TCHP: variants seen among roughly 807,000 people sequenced by gnomAD.
TCHP encodes trichoplein keratin filament binding, also known as trichoplein keratin filament-binding protein.
Under a neutral mutation model 88.7 loss-of-function variants are expected in TCHP, and 81 were observed. That is an observed-to-expected ratio of 0.91 (90% confidence interval 0.76 to 1.10). TCHP has a LOEUF of 1.10. Among genes scored for constraint, TCHP ranks in the 50% least tolerant of loss-of-function variants. The pLI, the probability that TCHP is intolerant of heterozygous loss-of-function variation, is 0.00. For synonymous variants in TCHP, 232 were observed against 232.5 expected, an observed-to-expected ratio of 1.00 and a Z score of 0.02; for missense variants, 641 against 632.1, an observed-to-expected ratio of 1.01 and a Z score of -0.15.
Position 109,907,534 on chromosome 12 carries a change from C to G in TCHP, c.534C>G (p.Ala178=). 2 of 1,614,094 alleles carry G rather than the reference C, an allele frequency of 1.2e-6. No individual in the cohort carries two copies. Among genetic ancestry groups the G allele is most frequent in the Non-Finnish European group, 8.5e-7 (1 of 1,179,978 alleles). ...CATTTGGTCCCTTGTAGCAAGAAGC[C>G]ACCGCAGAGCAAGAGAACAAACGGT... The part of the protein sequence containing the change: ...MQKEEKKQQE[A]TAEQENKRYE... The change falls in exon 6 of 13, where the codon GCC becomes GCG. Residue 178 remains alanine, a synonymous_variant. Transcript: ENST00000405876.
intron 7 of TCHP, 50 bp from the exon 8 acceptor site, chr12:109,908,821 T>G: frequency 6.2e-7 from 1 of 1,603,454 alleles, no homozygotes; most frequent in Non-Finnish European, 8.5e-7. Flanking sequence ...TAACTTCTAT[T>G]TAATTCTTTC....
chr12:109,904,705 A>G, intron 3 of TCHP, 32 bp from the exon 4 acceptor site: 1 of 1,605,340 alleles, frequency 6.2e-7, no homozygotes. Context: ...GAAAAATGAC[A>G]TCAGGCTTTC....
chr12:109,897,837 C>T (rs561125303), upstream of TCHP, among the ~76,000 whole-genome samples: 2 of 152,284 alleles, frequency 1.3e-5, no homozygotes, highest in African/African-American at 4.8e-5. Context: ...GGATTACAGG[C>T]GTGAGCCACC....
At position 109,905,891 on chromosome 12, in the gene TCHP, C is replaced by CA. The variant is rs1190509189; in HGVS notation, c.457-680dup. On this transcript the variant is annotated intron_variant, in intron 4 of 12. Coordinates refer to ENST00000405876, the MANE Select transcript of TCHP (RefSeq NM_001143852.2). The surrounding 1 kb of genome is among the most constrained non-coding windows in gnomAD (Gnocchi z 4.0). ...TTATTTTAAAACTTTTTTATAGAGA[C>CA]AGGGTCTCCCTGTGTTGCTCAGGCT... is the stretch of plus-strand genomic sequence containing the variant. Among the ~76,000 whole-genome samples, 1 of 152,174 alleles carries CA rather than the reference C, an allele frequency of 6.6e-6. No individual in the cohort carries two copies. Among genetic ancestry groups the CA allele is most frequent in the Non-Finnish European group, 1.5e-5 (1 of 68,030 alleles).
intron 8 of TCHP, among the ~76,000 whole-genome samples, chr12:109,910,116 G>A (rs1030965548): frequency 3.3e-5 from 5 of 152,160 alleles, no homozygotes; most frequent in Admixed American, 6.5e-5. Context: ...TCAAGCCTGG[G>A]CAACAGAGTG....
intron 5 of TCHP, 132 bp downstream of exon 5, chr12:109,906,772 T>C (rs1244154692): frequency 2.9e-6 from 2 of 698,330 alleles, no homozygotes; most frequent in African/African-American, 1.8e-5. Flanking sequence ...CTTAGTTTAC[T>C]TGACACATGT....
chr12:109,915,631 G>A (rs1302518636), intron 12 of TCHP, 85 bp downstream of exon 12: 8 of 1,448,594 alleles, frequency 5.5e-6, no homozygotes, highest in Admixed American at 2.5e-5. Context: ...TCATCGCCCC[G>A]CGCCGGGGTC....
chr12:109,906,833 C>T (rs1009740622), intron 5 of TCHP, among the ~76,000 whole-genome samples, 193 bp downstream of exon 5: 2 of 152,076 alleles, frequency 1.3e-5, no homozygotes, highest in African/African-American at 4.8e-5. Flanking sequence ...GTGATAATTC[C>T]CAGGGCAGAA....
At chr12:109,906,896 T>C (rs1445367893) in intron 5 of TCHP, among the ~76,000 whole-genome samples, 1 of 152,084 alleles carries the variant, frequency 6.6e-6, no homozygotes. Flanking sequence ...GCGTCTTCTT[T>C]TTTTCTTTTG....
Position 109,907,830 on chromosome 12 carries a change from G to C in TCHP, c.699+131G>C, listed in dbSNP as rs1870234469. 23 of 1,005,838 alleles carry C rather than the reference G, an allele frequency of 2.3e-5. No individual in the cohort carries two copies. In the South Asian group the frequency reaches 4.1e-4, roughly 18 times the overall value. The allele number at this position is 1,005,838 out of a possible 1,614,324, so 62.3% of individuals were successfully genotyped here. ...TTCTGCAAAGGGCGGCAGCAGCCGG[G>C]TTCTCCCTCTCACATGCATCCCCAT... On this transcript the variant is annotated intron_variant, in intron 6 of 12. Transcript: ENST00000405876.
chr12:109,904,912 C>T, intron 4 of TCHP, 119 bp downstream of exon 4: 2 of 866,322 alleles, frequency 2.3e-6, no homozygotes, highest in Non-Finnish European at 3.6e-6. Flanking sequence ...CCTTGAGCCA[C>T]CTGAAAAGAG....
rs143328580 is a variant in TCHP at position 109,902,254 on chromosome 12, G to A, written c.1-773G>A. ...GGCGCTATCATGGCTCGCTACAGCC[G>A]TGACCTCCTGGGCTCAAGCAATCCT... On this transcript the variant is annotated intron_variant, in intron 1 of 12. Transcript: ENST00000405876. 1.2e-3 allele frequency among the ~76,000 whole-genome samples: 180 copies of A among 152,008 alleles called. 1 individual carries two copies. Among genetic ancestry groups the A allele is most frequent in the African/African-American group, 4.1e-3 (170 of 41,442 alleles).
At chr12:109,893,438 G>A in the TCHP span, among the ~76,000 whole-genome samples, 1 of 151,924 alleles carries the variant, frequency 6.6e-6, no homozygotes, top group Non-Finnish European at 1.5e-5. Context: ...TGTCACCAAG[G>A]ATTGCTCTTG....
At position 109,905,197 on chromosome 12, in the gene TCHP, GGGATGTATGTGTGTAGAGGTGAGGAAA is replaced by G. The variant is rs1870060284; in HGVS notation, c.456+411_456+437del. Reference sequence around the variant, plus strand: ...AGTTCCTGGGGTGGAAGAGTTTGAAGGGATGTATGTGTGTAGAGGTGAGGAAAGGATGTTCTAGGTTGATGTGACTGT... The same window carrying G: ...AGTTCCTGGGGTGGAAGAGTTTGAAGGGATGTTCTAGGTTGATGTGACTGT... On this transcript the variant is annotated intron_variant, in intron 4 of 12. Transcript: ENST00000405876. This position sits in a 1 kb window ranked among gnomAD's most constrained non-coding sequence, Gnocchi z 4.0. Among the ~76,000 whole-genome samples, 1 of 152,192 alleles carries G rather than the reference GGGATGTATGTGTGTAGAGGTGAGGAAA, an allele frequency of 6.6e-6. No homozygotes were observed. Among genetic ancestry groups the G allele is most frequent in the African/African-American group, 2.4e-5 (1 of 41,446 alleles).
At position 109,916,766 on chromosome 12, in the gene TCHP, T is replaced by C. The variant is rs1870844061; in HGVS notation, c.*143T>C. On this transcript the variant is annotated 3_prime_UTR_variant, in exon 13 of 13. Transcript: ENST00000405876. ...AGCAGTGCCTGCTCAGGTTCATCAT[T>C]GAAACATCCCAGTGTTTGGCCAGAC... is the stretch of plus-strand genomic sequence containing the variant. 1 of 727,576 alleles carries C rather than the reference T, an allele frequency of 1.4e-6. No homozygotes were observed. Among genetic ancestry groups the C allele is most frequent in the Non-Finnish European group, 2.3e-6 (1 of 435,536 alleles). 45.1% of individuals were successfully genotyped at this position (727,576 alleles called of 1,614,324 possible).
At chr12:109,884,281 C>T in the TCHP span, among the ~76,000 whole-genome samples, 47 of 152,020 alleles carry the variant, frequency 3.1e-4, no homozygotes, top group Admixed American at 7.9e-4. Context: ...CTCCGCCTTC[C>T]GGGTTCACGC....
chr12:109,887,719 C>CAGG, the TCHP span: 1 of 152,338 alleles, frequency 6.6e-6, no homozygotes, highest in Admixed American at 6.6e-5. Flanking sequence ...GCTCTGGCCA[C>CAGG]CCCCTCCCCA....
intron 4 of TCHP, 97 bp downstream of exon 4, chr12:109,904,890 C>T: frequency 1.7e-6 from 2 of 1,162,732 alleles, no homozygotes; most frequent in East Asian, 4.9e-5. Flanking sequence ...CGGGTTGAAA[C>T]AGAGGAGGGA....
At position 109,904,625 on chromosome 12, in the gene TCHP, C is replaced by T. The variant is rs527392167; in HGVS notation, c.400-112C>T. 1.1e-4 allele frequency: 89 copies of T among 841,756 alleles called. No individual in the cohort carries two copies. The South Asian group carries it at 1.1e-3, about 11-fold the overall frequency. The allele number at this position is 841,756 out of a possible 1,614,324, so 52.1% of individuals were successfully genotyped here. A position where few individuals can be genotyped will look rare whatever the true frequency, so the allele number is the denominator to read the frequency against. On this transcript the variant is annotated intron_variant, in intron 3 of 12. Transcript: ENST00000405876. ...AGGGTTTGAACAGTGGTTGCAGTGACGGTGTGAAGGGAGGCACTCATAGCC... is the reference window on the plus strand; with the variant it reads ...AGGGTTTGAACAGTGGTTGCAGTGATGGTGTGAAGGGAGGCACTCATAGCC...
Sources: allele counts gnomAD v4.1 joint callset (sites outside exome capture counted in the v4.1 genomes callset), GRCh38; gene constraint gnomAD v4.1.1; non-coding constraint Gnocchi (gnomAD v3.1); transcripts MANE v1.5; gene names NCBI Gene and HGNC (gene_info 2026-07-23, HGNC 2026-07-21).